SYN1: variants seen among roughly 807,000 people sequenced by gnomAD.
SYN1 encodes synapsin-1.
A neutral mutation model predicts 44.6 loss-of-function variants in SYN1; 8 were observed. The ratio of observed to expected loss-of-function variants is 0.18; its 90% confidence interval spans 0.11 to 0.32. SYN1 has a LOEUF of 0.32. Among genes scored for constraint, SYN1 ranks in the 10% least tolerant of loss-of-function variants. The pLI, the probability that SYN1 is intolerant of heterozygous loss-of-function variation, is 1.00. For synonymous variants in SYN1, 275 were observed against 280.1 expected (o/e 0.98, Z 0.18); for missense variants, 451 against 639.4 (o/e 0.71, Z 3.18).
In SYN1 at chrX:47,605,274, G is replaced by A. The variant is rs1234647595; in HGVS notation, c.633C>T (p.Pro211=). ...LVIGLQYAGI[P]SVNSLHSVYN... is the part of the protein sequence containing the mutation. ...AGACAGAATGCAAGGAGTTAACACT[G>A]GGGATTCCAGCATACTGCAGCCCAA... Residue 211 remains proline (P), a synonymous_variant, in exon 4 of 13, where the codon CCC becomes CCT. Coordinates refer to ENST00000295987, the MANE Select transcript of SYN1 (RefSeq NM_006950.3). 8.3e-7 allele frequency: 1 copy of A among 1,209,411 alleles called. No individual in the cohort carries two copies. Among genetic ancestry groups the A allele is most frequent in the Non-Finnish European group, 1.1e-6 (1 of 894,374 alleles).
At chrX:47,583,330 G>A in intron 5 of SYN1, 2 of 1,009,814 alleles carry the variant, frequency 2.0e-6, no homozygotes, top group Non-Finnish European at 2.7e-6. Context: ...CTGCCCCGGG[G>A]CAAGATGGGG....
In SYN1 at chrX:47,613,131, CAAAAAAAAAAA is replaced by C. The variant is rs752216661; in HGVS notation, c.378-5944_378-5934del. 5.3e-4 allele frequency among the ~76,000 whole-genome samples: 20 copies of C among 37,389 alleles called. No individual in the cohort carries two copies. In the South Asian group the frequency reaches 0.047, roughly 88 times the overall value. 32.5% of individuals were successfully genotyped at this position (37,389 alleles called of 115,157 possible). A position where few individuals can be genotyped will look rare whatever the true frequency, so the allele number is the denominator to read the frequency against. On this transcript the variant is annotated intron_variant, in intron 1 of 12. Coordinates refer to ENST00000295987, the MANE Select transcript of SYN1 (RefSeq NM_006950.3). ...GGGCAATAGAGCGAGACTCCGTCTC[CAAAAAAAAAAA>C]AAAAAAAAAAAAAAGGGAGGAGCGA...
intron 5 of SYN1, chrX:47,604,660 C>G: frequency 7.6e-6 from 2 of 264,061 alleles, no homozygotes; most frequent in South Asian, 1.3e-4. Context: ...GTAATAATGA[C>G]TTAATTTCTA....
chrX:47,574,800 G>A (rs1187292959), intron 10 of SYN1, 25 bp from the exon 11 acceptor site: 1 of 1,149,347 alleles, frequency 8.7e-7, no homozygotes, highest in Non-Finnish European at 1.2e-6. Flanking sequence ...TGGAGCAGGA[G>A]AGGTTAAAAA....
At chrX:47,619,206 A>C in intron 1 of SYN1, 146 bp downstream of exon 1, 2 of 929,786 alleles carry the variant, frequency 2.2e-6, no homozygotes, top group Non-Finnish European at 2.9e-6. Context: ...GCACAGAGGA[A>C]GCATCCAGCT....
At chrX:47,618,561 A>G (rs78091950) in intron 1 of SYN1, among the ~76,000 whole-genome samples, 1 of 111,344 alleles carries the variant, frequency 9.0e-6, no homozygotes, top group Non-Finnish European at 1.9e-5. Flanking sequence ...CTGGAGGAAA[A>G]TGATTTGTTT....
At chrX:47,583,276 C>A in intron 5 of SYN1, 1 of 446,449 alleles carries the variant, frequency 2.2e-6, no homozygotes, top group Non-Finnish European at 3.7e-6. Flanking sequence ...CTAAGCTTAC[C>A]AACCCCTCAA....
At chrX:47,601,018 C>T (rs2057878101) in intron 5 of SYN1, among the ~76,000 whole-genome samples, 1 of 110,557 alleles carries the variant, frequency 9.0e-6, no homozygotes, top group Non-Finnish European at 1.9e-5. Flanking sequence ...AAAGCAAGCA[C>T]AAGGAAAAAC....
intron 5 of SYN1, chrX:47,585,517 G>T (rs760037592): frequency 8.4e-7 from 1 of 1,197,593 alleles, no homozygotes; most frequent in Admixed American, 2.2e-5. Flanking sequence ...GCTGCTTGTC[G>T]GTCCCCGCCC....
In SYN1 at chrX:47,584,993, G is replaced by A. The variant is rs762640736; in HGVS notation, c.775-7492C>T. On this transcript the variant is annotated intron_variant, in intron 5 of 12. Coordinates refer to ENST00000295987, the MANE Select transcript of SYN1 (RefSeq NM_006950.3). ...GTCAACCAGACCACCTTATACCAGC[G>A]TTATGAGATCAAGATGACCAAGGTA... 4.1e-6 allele frequency: 5 copies of A among 1,208,956 alleles called. No homozygotes were observed. In the South Asian group the frequency reaches 7.1e-5, roughly 17 times the overall value.
intron 5 of SYN1, among the ~76,000 whole-genome samples, chrX:47,578,763 G>C (rs911429916): frequency 8.9e-6 from 1 of 111,822 alleles, no homozygotes; most frequent in Non-Finnish European, 1.9e-5. Flanking sequence ...ACAAGGTAGA[G>C]AGATGGCATT....
intron 7 of SYN1, 43 bp downstream of exon 7, chrX:47,576,455 C>T (rs752504305): frequency 5.8e-6 from 7 of 1,212,226 alleles, no homozygotes; most frequent in Non-Finnish European, 7.8e-6. Context: ...CTGCATGAGG[C>T]AAGGCAGGGG....
chrX:47,613,833 A>G (rs148096977), intron 1 of SYN1, among the ~76,000 whole-genome samples: 2,666 of 111,782 alleles, frequency 0.024, 96 homozygotes, highest in African/African-American at 0.081. Flanking sequence ...TCATGCAAGA[A>G]TGGGCACCAT....
At chrX:47,600,201 A>G (rs1487045355) in intron 5 of SYN1, among the ~76,000 whole-genome samples, 1 of 110,646 alleles carries the variant, frequency 9.0e-6, no homozygotes, top group Non-Finnish European at 1.9e-5. Flanking sequence ...CCAAAAAGGA[A>G]GTTTTTTTTT....
chrX:47,575,828 C>T (rs1389828806), intron 9 of SYN1, among the ~76,000 whole-genome samples: 3 of 111,574 alleles, frequency 2.7e-5, no homozygotes, highest in Non-Finnish European at 1.9e-5. Context: ...GCTTTGCTGT[C>T]GGTCCAGTTC....
chrX:47,576,455 C>A (rs752504305), intron 7 of SYN1, 43 bp downstream of exon 7: 1 of 1,212,226 alleles, frequency 8.2e-7, no homozygotes, highest in Admixed American at 2.2e-5. Context: ...CTGCATGAGG[C>A]AAGGCAGGGG....
In SYN1 at chrX:47,574,272, C is replaced by T; in HGVS notation, c.1712G>A (p.Gly571Asp). ...CCCAGAGGCCTTTGGCGGAGCCGGG[C>T]CAGAGACGGATGTCTGACGGGTAGC... ...PQATRQTSVSGPAPPKASGAP... is the reference protein window; with the variant it reads ...PQATRQTSVSDPAPPKASGAP... Residue 571 changes from glycine to aspartate, a missense_variant, in exon 12 of 13, where the codon GGC becomes GAC. By Grantham distance (94) the Gly-to-Asp change is moderately conservative. This residue lies in a region of SYN1 where 127 missense variants were observed against 154.8 expected (regional missense o/e 0.82). Coordinates refer to ENST00000295987, the MANE Select transcript of SYN1 (RefSeq NM_006950.3). 1.8e-6 allele frequency: 2 copies of T among 1,104,417 alleles called. No individual in the cohort carries two copies. Among genetic ancestry groups the T allele is most frequent in the African/African-American group, 3.8e-5 (2 of 52,383 alleles). The allele number at this position is 1,104,417 out of a possible 1,213,427, so 91.0% of individuals were successfully genotyped here. A position where few individuals can be genotyped will look rare whatever the true frequency, so the allele number is the denominator to read the frequency against.
chrX:47,600,296 A>G (rs973458295), intron 5 of SYN1, among the ~76,000 whole-genome samples: 8 of 110,196 alleles, frequency 7.3e-5, no homozygotes, highest in Non-Finnish European at 1.3e-4. Flanking sequence ...GGCTCAAGTG[A>G]TCCTCCCACT....
chrX:47,604,155 C>T (rs1172240676), intron 5 of SYN1, among the ~76,000 whole-genome samples: 1 of 110,877 alleles, frequency 9.0e-6, no homozygotes, highest in Non-Finnish European at 1.9e-5. Context: ...GTGATCCGCC[C>T]ACTTCGGCCT....
Sources: gnomAD v4.1 joint callset for allele counts (sites outside exome capture counted in the v4.1 genomes callset) on GRCh38, gnomAD v4.1.1 for gene constraint, gnomAD v4.1.1 regional missense constraint, MANE v1.5 for transcripts, NCBI Gene and HGNC (gene_info 2026-07-23, HGNC 2026-07-21) for gene names.